Variants in CNTN1 observed in about 807,000 individuals in gnomAD.
CNTN1 encodes the protein contactin 1.
CNTN1 carries 38 observed loss-of-function variants against 126.4 expected under a neutral mutation model. The ratio of observed to expected loss-of-function variants is 0.30; its 90% CI spans 0.23 to 0.39. The LOEUF (loss-of-function observed/expected upper bound fraction) is 0.39, where lower values mean the gene tolerates loss of function less well. Ranked by LOEUF, CNTN1 falls within the 10% of genes least tolerant of loss-of-function variation. The pLI is 1.00. For synonymous variants in CNTN1, 413 were observed against 422.6 expected, an observed-to-expected ratio of 0.98 and a Z score of 0.28; for missense variants, 1,009 against 1,248.4, an observed-to-expected ratio of 0.81 and a Z score of 2.89.
chr12:40,959,815 G>A (rs1005388354), intron 15 of CNTN1, among the ~76,000 whole-genome samples: 6 of 151,990 alleles, frequency 3.9e-5, no homozygotes, highest in Non-Finnish European at 7.4e-5. Context: ...AGGCTGGCTG[G>A]GAACACAGCA....
At chr12:40,863,926 T>TCCTCCCTCCCTA (rs1943200460) in intron 1 of CNTN1, among the ~76,000 whole-genome samples, 2 of 129,096 alleles carry the variant, frequency 1.5e-5, no homozygotes, top group African/African-American at 7.6e-5. Flanking sequence ...CTTCCTTCCT[T>TCCTCCCTCCCTA]CCTCCCTCCC....
intron 14 of CNTN1, among the ~76,000 whole-genome samples, chr12:40,946,916 T>G (rs1318076157): frequency 6.6e-6 from 1 of 151,982 alleles, no homozygotes; most frequent in Non-Finnish European, 1.5e-5. Context: ...TACTTATGAA[T>G]AAATTGTGAG....
intron 1 of CNTN1, among the ~76,000 whole-genome samples, chr12:40,881,448 A>G (rs1473801078): frequency 6.6e-6 from 1 of 151,842 alleles, no homozygotes; most frequent in East Asian, 1.9e-4. Context: ...TATTAGGGCT[A>G]TACTATGGCC....
chr12:40,895,076 T>C (rs938000566), intron 1 of CNTN1, among the ~76,000 whole-genome samples: 2 of 152,228 alleles, frequency 1.3e-5, no homozygotes, highest in Non-Finnish European at 1.5e-5. Flanking sequence ...TTCTGTGTTA[T>C]AGTAAGCTTA....
intron 7 of CNTN1, among the ~76,000 whole-genome samples, chr12:40,932,146 T>A (rs1315983443): frequency 1.3e-5 from 2 of 151,920 alleles, no homozygotes; most frequent in Admixed American, 6.6e-5. Flanking sequence ...AGTTACCTGA[T>A]ACGATTTGGC....
intron 1 of CNTN1, among the ~76,000 whole-genome samples, chr12:40,816,655 C>T (rs1332406036): frequency 6.6e-6 from 1 of 151,782 alleles, no homozygotes; most frequent in African/African-American, 2.4e-5. Context: ...CACTTCTTCT[C>T]TGATCTTATT....
intron 20 of CNTN1, among the ~76,000 whole-genome samples, chr12:41,022,811 T>C (rs749137889): frequency 3.6e-4 from 55 of 152,206 alleles, no homozygotes; most frequent in Non-Finnish European, 5.4e-4. Flanking sequence ...CATAATCAGA[T>C]TTTAATCTAG....
intron 1 of CNTN1, among the ~76,000 whole-genome samples, chr12:40,896,860 A>G (rs1267086318): frequency 6.6e-6 from 1 of 152,194 alleles, no homozygotes; most frequent in African/African-American, 2.4e-5. Flanking sequence ...CTGAGGAGAC[A>G]CTTTCCTATA....
At chr12:40,958,785 G>A (rs1237341100) in intron 14 of CNTN1, among the ~76,000 whole-genome samples, 1 of 151,876 alleles carries the variant, frequency 6.6e-6, no homozygotes, top group Non-Finnish European at 1.5e-5. Context: ...AAAACTTATT[G>A]ATACTTATTA....
chr12:40,693,057 G>A (rs940980248), intron 1 of CNTN1, among the ~76,000 whole-genome samples: 1 of 152,216 alleles, frequency 6.6e-6, no homozygotes, highest in African/African-American at 2.4e-5. Context: ...AGCGCATCCC[G>A]GAAAACCTGG....
At chr12:41,064,837 T>C (rs889534173) in intron 23 of CNTN1, among the ~76,000 whole-genome samples, 5 of 152,086 alleles carry the variant, frequency 3.3e-5, no homozygotes, top group African/African-American at 1.2e-4. Flanking sequence ...ATTTTATAGT[T>C]GAAGGAAAAA....
chr12:40,970,933 T>C (rs1947488274), intron 15 of CNTN1, among the ~76,000 whole-genome samples: 1 of 152,160 alleles, frequency 6.6e-6, no homozygotes, highest in Non-Finnish European at 1.5e-5. Context: ...TTCCTTCCCT[T>C]TACTATGAAT....
chr12:40,801,639 T>G (rs1940658373), intron 1 of CNTN1, among the ~76,000 whole-genome samples: 1 of 151,762 alleles, frequency 6.6e-6, no homozygotes, highest in Admixed American at 6.6e-5. Flanking sequence ...ATAGGGAGAT[T>G]GCCAGTGTGG....
intron 1 of CNTN1, among the ~76,000 whole-genome samples, chr12:40,841,696 T>G (rs1942290157): frequency 6.6e-6 from 1 of 151,794 alleles, no homozygotes; most frequent in Non-Finnish European, 1.5e-5. Flanking sequence ...TTCCAATAGA[T>G]GCAGAAAAAA....
intron 15 of CNTN1, among the ~76,000 whole-genome samples, chr12:40,975,178 TTATATATATATATATA>T (rs58939653): frequency 0.032 from 1,572 of 48,628 alleles, 47 homozygotes; most frequent in African/African-American, 0.1. Context: ...GTAAAATGGA[TTATATATATATATATA>T]TATATATATA....
At chr12:40,829,152 A>C (rs562390223) in intron 1 of CNTN1, among the ~76,000 whole-genome samples, 13 of 152,128 alleles carry the variant, frequency 8.5e-5, no homozygotes, top group Admixed American at 8.5e-4. Flanking sequence ...ATTCCTGAAC[A>C]TTTCTTTAGG....
At chr12:40,806,165 C>T (rs537465948) in intron 1 of CNTN1, among the ~76,000 whole-genome samples, 1 of 151,992 alleles carries the variant, frequency 6.6e-6, no homozygotes, top group Non-Finnish European at 1.5e-5. Flanking sequence ...TTAAAGAGCT[C>T]CTGTGTGTCT....
chr12:40,717,217 CTCTT>C (rs894566972), intron 1 of CNTN1, among the ~76,000 whole-genome samples: 2 of 152,152 alleles, frequency 1.3e-5, no homozygotes, highest in Non-Finnish European at 2.9e-5. Context: ...TACTCTCACT[CTCTT>C]TAACAGTCAT....
intron 6 of CNTN1, among the ~76,000 whole-genome samples, chr12:40,927,552 G>A (rs1417864741): frequency 6.6e-6 from 1 of 152,036 alleles, no homozygotes; most frequent in East Asian, 1.9e-4. Flanking sequence ...AAAATGGCAA[G>A]AGCCATTCCT....
Sources: gnomAD v4.1 joint callset for allele counts (sites outside exome capture counted in the v4.1 genomes callset) on GRCh38, gnomAD v4.1.1 for gene constraint, MANE v1.5 for transcripts, NCBI Gene and HGNC (gene_info 2026-07-23, HGNC 2026-07-21) for gene names.